TUBGCP4: variants seen among roughly 807,000 people sequenced by gnomAD.
TUBGCP4 encodes tubulin gamma complex component 4, also known as gamma-tubulin complex component 4.
In TUBGCP4, 54 loss-of-function variants were observed where a neutral mutation model predicts 91.6. That is an observed-to-expected ratio of 0.59 (90% confidence interval 0.47 to 0.74). TUBGCP4 has a LOEUF of 0.74. TUBGCP4 is among the 30% of genes least tolerant of loss of function. TUBGCP4 has a pLI of 0.00. For missense variants in TUBGCP4, 593 were observed against 800.9 expected, an observed-to-expected ratio of 0.74 and a Z score of 3.13; for synonymous variants, 297 against 302.8, an observed-to-expected ratio of 0.98 and a Z score of 0.20.
intron 15 of TUBGCP4, chr15:43,402,121 G>GA (rs897462301): frequency 7.9e-3 from 1,895 of 241,046 alleles, no homozygotes; most frequent in South Asian, 0.015. Flanking sequence ...AAATACAGAA[G>GA]AAAAAAAAAA....
chr15:43,375,981 C>A, intron 1 of TUBGCP4, 117 bp from the exon 2 acceptor site: 1 of 1,462,568 alleles, frequency 6.8e-7, no homozygotes, highest in Non-Finnish European at 9.3e-7. Context: ...GAACTTAACA[C>A]CTTTAAGTGG....
In TUBGCP4 at chr15:43,397,218, G is replaced by T; in HGVS notation, c.1176G>T (p.Val392=). 1 of 1,613,740 alleles carries T rather than the reference G, an allele frequency of 6.2e-7. No individual in the cohort carries two copies. Among genetic ancestry groups the T allele is most frequent in the Non-Finnish European group, 8.5e-7 (1 of 1,179,660 alleles). The change falls in exon 12 of 18, where the codon GTG becomes GTT. Residue 392 remains valine (V), a synonymous_variant. Coordinates refer to ENST00000564079, the MANE Select transcript of TUBGCP4 (RefSeq NM_014444.5). ...CCTGCGTGTTCTTTCTTGCAGATGT[G>T]AATGTGGCCTTTCAACAGTCAGCAC... The part of the protein sequence containing the change: ...TPPTAVTEHD[V]NVAFQQSAHK...
Position 43,408,684 on chromosome 15 carries a change from A to G in TUBGCP4, c.*3470A>G. On this transcript the variant is annotated 3_prime_UTR_variant, in exon 18 of 18. Transcript: ENST00000564079. ...TACAGGTTGAGAATATTGAACCTAT[A>G]TACAAATCTTCACACATTTGCAAAA... 1 of 566,316 alleles carries G rather than the reference A, an allele frequency of 1.8e-6. No homozygotes were observed. Among genetic ancestry groups the G allele is most frequent in the African/African-American group, 1.9e-5 (1 of 53,454 alleles). 35.1% of individuals were successfully genotyped at this position (566,316 alleles called of 1,614,324 possible).
At position 43,407,811 on chromosome 15, in the gene TUBGCP4, TG is replaced by T; in HGVS notation, c.*2599del. On this transcript the variant is annotated 3_prime_UTR_variant, in exon 18 of 18. Coordinates refer to ENST00000564079, the MANE Select transcript of TUBGCP4 (RefSeq NM_014444.5). ...CTTATGTTGACTCACCTCTTGAAGG[TG>T]GTACTTTTCTTCTCTAAGAAACATG... 7.3e-6 allele frequency: 7 copies of T among 960,210 alleles called. No homozygotes were observed. Among genetic ancestry groups the T allele is most frequent in the Non-Finnish European group, 1.1e-5 (7 of 644,110 alleles). 59.5% of individuals were successfully genotyped at this position (960,210 alleles called of 1,614,324 possible). A position where few individuals can be genotyped will look rare whatever the true frequency, so the allele number is the denominator to read the frequency against.
intron 11 of TUBGCP4, among the ~76,000 whole-genome samples, chr15:43,396,016 A>G (rs1383269984): frequency 1.3e-5 from 2 of 152,178 alleles, no homozygotes; most frequent in African/African-American, 4.8e-5. Flanking sequence ...TTTAGGTGTG[A>G]ATGATGGAAA....
chr15:43,382,942 G>C lies in TUBGCP4; in HGVS notation c.522-361G>C, dbSNP rs372503754. ...ATAAAACAAATTTAATACTGTGTTA[G>C]CCAAAAAGAGACTCCATTAAGTCGA... On this transcript the variant is annotated intron_variant, in intron 6 of 17. Coordinates refer to ENST00000564079, the MANE Select transcript of TUBGCP4 (RefSeq NM_014444.5). 2.0e-5 allele frequency among the ~76,000 whole-genome samples: 3 copies of C among 152,140 alleles called. No homozygotes were observed. The East Asian group carries it at 5.8e-4, about 29-fold the overall frequency.
chr15:43,404,888 TA>T, intron 17 of TUBGCP4: 1 of 492,614 alleles, frequency 2.0e-6, no homozygotes, highest in South Asian at 2.7e-5. Context: ...TGCTGGTCCC[TA>T]GCTTCCGCAT....
intron 3 of TUBGCP4, 46 bp downstream of exon 3, chr15:43,376,671 G>C: frequency 6.2e-7 from 1 of 1,611,354 alleles, no homozygotes; most frequent in Non-Finnish European, 8.5e-7. Context: ...CAGTAGATTA[G>C]GGCATGTTCT....
In TUBGCP4 at chr15:43,408,792, A is replaced by T. The variant is rs45628934; in HGVS notation, c.*3578A>T. The T allele has an allele frequency of 1.8e-6, 2 of 1,139,554 alleles. No individual in the cohort carries two copies. Among genetic ancestry groups the T allele is most frequent in the East Asian group, 4.9e-5 (2 of 40,514 alleles). The allele number at this position is 1,139,554 out of a possible 1,614,324, so 70.6% of individuals were successfully genotyped here. On this transcript the variant is annotated 3_prime_UTR_variant, in exon 18 of 18. Transcript: ENST00000564079. ...AAACCCACTCAAATTTATCCCACAG[A>T]CATTCCAATTTCTAGAAAGCTTTAC...
At chr15:43,371,557 C>A in intron 1 of TUBGCP4, 125 bp downstream of exon 1, 1 of 938,970 alleles carries the variant, frequency 1.1e-6, no homozygotes, top group Non-Finnish European at 1.7e-6. Flanking sequence ...TATCCCTGGA[C>A]AGGTGACTGG....
intron 5 of TUBGCP4, among the ~76,000 whole-genome samples, chr15:43,378,937 A>G (rs1354981500): frequency 1.3e-5 from 2 of 152,234 alleles, no homozygotes; most frequent in African/African-American, 4.8e-5. Flanking sequence ...CTATCTCCCA[A>G]AATAAAAGGA....
Position 43,386,253 on chromosome 15 carries a change from C to G in TUBGCP4, c.937C>G (p.Arg313Gly), listed in dbSNP as rs1345902565. ...QEDTFAAELH[R>G]LKQQPLFSLV... ...AGACACTTTTGCTGCAGAGCTGCAC[C>G]GTCTCAAGCAGCAGCCACTCTTCAG... is the stretch of plus-strand genomic sequence containing the variant. Residue 313 changes from arginine to glycine, a missense_variant, in exon 9 of 18, where the codon CGT becomes GGT. Transcript: ENST00000564079. 2.5e-6 allele frequency: 4 copies of G among 1,602,572 alleles called. No homozygotes were observed. The highest frequency in any genetic ancestry group is 1.4e-5 in the African/African-American group (1 of 73,010).
At chr15:43,384,801 T>C (rs1356912427) in intron 7 of TUBGCP4, among the ~76,000 whole-genome samples, 1 of 152,164 alleles carries the variant, frequency 6.6e-6, no homozygotes, top group Admixed American at 6.5e-5. Context: ...CTGGATGCTG[T>C]GTGGGGAATC....
intron 1 of TUBGCP4, 33 bp downstream of exon 1, chr15:43,371,465 A>G (rs1461770836): frequency 6.2e-7 from 1 of 1,610,848 alleles, no homozygotes; most frequent in Admixed American, 1.7e-5. Context: ...GGAACCAGGG[A>G]GCGCAGGAGG....
chr15:43,387,555 G>C (rs1417842367), intron 9 of TUBGCP4, among the ~76,000 whole-genome samples: 1 of 151,814 alleles, frequency 6.6e-6, no homozygotes, highest in Non-Finnish European at 1.5e-5. Context: ...TCTGCCTCCT[G>C]GGTTCAAGCG....
At chr15:43,399,141 T>C (rs1000774846) in intron 13 of TUBGCP4, 3 of 1,269,318 alleles carry the variant, frequency 2.4e-6, no homozygotes, top group African/African-American at 3.1e-5. Context: ...CCAAACAGAA[T>C]GGGACTGTCT....
chr15:43,398,799 T>A (rs1040303679), intron 13 of TUBGCP4, among the ~76,000 whole-genome samples: 2 of 152,212 alleles, frequency 1.3e-5, no homozygotes, highest in South Asian at 4.1e-4. Flanking sequence ...TCCTGTGTCC[T>A]CATTATTCAC....
At chr15:43,402,083 C>T (rs1476745087) in intron 15 of TUBGCP4, 7 of 355,942 alleles carry the variant, frequency 2.0e-5, no homozygotes, top group South Asian at 7.8e-5. Context: ...CCAGCCTGGC[C>T]AACATGGTGA....
intron 5 of TUBGCP4, among the ~76,000 whole-genome samples, chr15:43,379,646 A>C (rs8029470): frequency 0.26 from 39,618 of 150,588 alleles, 8,338 homozygotes; most frequent in African/African-American, 0.58. Context: ...GTCTCAAAAA[A>C]AAAAAAAAAA....
Sources: gnomAD v4.1 joint callset for allele counts (sites outside exome capture counted in the v4.1 genomes callset) on GRCh38, gnomAD v4.1.1 for gene constraint, MANE v1.5 for transcripts, NCBI Gene and HGNC (gene_info 2026-07-23, HGNC 2026-07-21) for gene names.